The following PALMD variants were observed in gnomAD, a reference collection of about 807,000 sequenced individuals.
PALMD encodes the protein palmdelphin.
A neutral mutation model predicts 56.2 loss-of-function variants in PALMD; 42 were observed. That is an observed-to-expected ratio of 0.75 (90% CI 0.58 to 0.97). The LOEUF is 0.97. Ranked by LOEUF, PALMD falls within the 50% of genes least tolerant of loss-of-function variation. PALMD has a pLI of 0.00. For missense variants in PALMD, 660 were observed against 643.8 expected (o/e 1.03, Z -0.27); for synonymous variants, 242 against 222.9 (o/e 1.09, Z -0.76).
intron 3 of PALMD, chr1:99,686,269 T>G (rs1653492352): frequency 6.5e-6 from 1 of 152,890 alleles, no homozygotes; most frequent in African/African-American, 2.4e-5. Flanking sequence ...ATAATTTATA[T>G]GATGACTTGG....
chr1:99,693,684 A>G (rs1653713265), intron 7 of PALMD, among the ~76,000 whole-genome samples: 1 of 152,206 alleles, frequency 6.6e-6, no homozygotes, highest in Admixed American at 6.5e-5. Flanking sequence ...TCAGAAATGT[A>G]TGTAAAACAG....
At chr1:99,656,950 A>G (rs1449325551) in intron 1 of PALMD, among the ~76,000 whole-genome samples, 3 of 152,210 alleles carry the variant, frequency 2.0e-5, no homozygotes, top group African/African-American at 7.2e-5. Context: ...TTGAAATAAC[A>G]CGGTTCATTC....
intron 3 of PALMD, chr1:99,685,314 C>G (rs1036126863): frequency 8.5e-5 from 13 of 152,146 alleles, no homozygotes; most frequent in Non-Finnish European, 1.6e-4. Flanking sequence ...ACTTTTAGTG[C>G]AGAGCTTTCC....
intron 3 of PALMD, chr1:99,685,166 A>G (rs1023074022): frequency 1.3e-5 from 2 of 152,114 alleles, no homozygotes; most frequent in Non-Finnish European, 2.9e-5. Context: ...GTCACCACAT[A>G]TCTGTCTGTA....
intron 2 of PALMD, among the ~76,000 whole-genome samples, chr1:99,666,545 A>C (rs964759599): frequency 6.6e-5 from 10 of 152,152 alleles, no homozygotes; most frequent in Admixed American, 3.9e-4. Context: ...ACTCTCATTT[A>C]AATTTCAATA....
chr1:99,666,755 G>A (rs1336515699), intron 2 of PALMD, among the ~76,000 whole-genome samples: 1 of 152,142 alleles, frequency 6.6e-6, no homozygotes, highest in Non-Finnish European at 1.5e-5. Flanking sequence ...CCATACATCT[G>A]ATGCTTCCCA....
intron 1 of PALMD, among the ~76,000 whole-genome samples, chr1:99,661,297 A>G (rs981059833): frequency 2.0e-5 from 3 of 152,238 alleles, no homozygotes; most frequent in African/African-American, 7.2e-5. Flanking sequence ...TTGCATAACT[A>G]GTCAAATGTC....
At chr1:99,647,261 G>C (rs916234955) in intron 1 of PALMD, among the ~76,000 whole-genome samples, 6 of 152,126 alleles carry the variant, frequency 3.9e-5, no homozygotes, top group Non-Finnish European at 8.8e-5. Flanking sequence ...AGCATTTTCT[G>C]CCACTGACAT....
chr1:99,656,258 T>C (rs1398071212), intron 1 of PALMD, among the ~76,000 whole-genome samples: 1 of 152,066 alleles, frequency 6.6e-6, no homozygotes, highest in Non-Finnish European at 1.5e-5. Flanking sequence ...CCATTTTCAA[T>C]AATTTTTTTA....
intron 3 of PALMD, among the ~76,000 whole-genome samples, chr1:99,670,839 C>A (rs1653067902): frequency 6.6e-6 from 1 of 152,106 alleles, no homozygotes. Context: ...GCCAAAGCAG[C>A]TTTACCTGAT....
chr1:99,685,345 C>T (rs976841715), intron 3 of PALMD: 19 of 152,156 alleles, frequency 1.2e-4, no homozygotes, highest in Admixed American at 4.6e-4. Context: ...ATTGGACCAA[C>T]ATATATCCCC....
At chr1:99,691,629 C>T (rs1388571222) in intron 7 of PALMD, among the ~76,000 whole-genome samples, 1 of 152,154 alleles carries the variant, frequency 6.6e-6, no homozygotes, top group Non-Finnish European at 1.5e-5. Context: ...GTCACAGTGT[C>T]ATATGCCCTC....
intron 3 of PALMD, among the ~76,000 whole-genome samples, chr1:99,671,267 C>T (rs1397579214): frequency 2.6e-5 from 4 of 151,946 alleles, no homozygotes; most frequent in Admixed American, 6.5e-5. Flanking sequence ...GCCCATGAAC[C>T]TTTCTTTCCT....
chr1:99,657,682 C>T (rs1028151360), intron 1 of PALMD, among the ~76,000 whole-genome samples: 1 of 152,220 alleles, frequency 6.6e-6, no homozygotes, highest in African/African-American at 2.4e-5. Flanking sequence ...CTTTGTCATG[C>T]CATTCAGTAT....
chr1:99,655,782 C>A (rs1652710279), intron 1 of PALMD, among the ~76,000 whole-genome samples: 1 of 152,044 alleles, frequency 6.6e-6, no homozygotes, highest in Admixed American at 6.6e-5. Flanking sequence ...TTTGTTCTAC[C>A]CTTTTGAGGA....
chr1:99,676,741 G>A (rs1306717496), intron 3 of PALMD, among the ~76,000 whole-genome samples: 1 of 151,818 alleles, frequency 6.6e-6, no homozygotes, highest in African/African-American at 2.4e-5. Context: ...ATAAAGGTTT[G>A]TTATATTTTG....
chr1:99,653,659 C>T (rs1417556879), intron 1 of PALMD, among the ~76,000 whole-genome samples: 1 of 152,098 alleles, frequency 6.6e-6, no homozygotes, highest in Non-Finnish European at 1.5e-5. Flanking sequence ...TCTTTATCCA[C>T]GTCCTCACTC....
chr1:99,661,877 C>T lies in PALMD; in HGVS notation c.46-442C>T, dbSNP rs180789759. The stretch of plus-strand genomic sequence containing the variant: ...AATTTCCAACTTCCTAGTTTTCTAA[C>T]GATCCATAGGTTGACCTGTTTTTCC... On this transcript the variant is annotated intron_variant, in intron 1 of 7. Transcript: ENST00000263174. 8.5e-5 allele frequency among the ~76,000 whole-genome samples: 13 copies of T among 152,284 alleles called. No homozygotes were observed. The East Asian group carries it at 1.2e-3, about 14-fold the overall frequency.
chr1:99,681,133 GTGTATGTA>G (rs1042568673), intron 3 of PALMD, among the ~76,000 whole-genome samples: 15 of 129,108 alleles, frequency 1.2e-4, no homozygotes, highest in Non-Finnish European at 1.5e-4. Flanking sequence ...GTGTGTGTGT[GTGTATGTA>G]TATATATATA....
Sources: allele counts gnomAD v4.1 joint callset (sites outside exome capture counted in the v4.1 genomes callset), GRCh38; gene constraint gnomAD v4.1.1; transcripts MANE v1.5; gene names NCBI Gene and HGNC (gene_info 2026-07-23, HGNC 2026-07-21).